SLX4IP: variants seen among roughly 807,000 people sequenced by gnomAD.
SLX4IP encodes the protein protein SLX4IP.
SLX4IP carries 34 observed loss-of-function variants against 32.9 expected under a neutral mutation model. The ratio of observed to expected loss-of-function variants is 1.03; its 90% CI spans 0.79 to 1.38. SLX4IP has a LOEUF of 1.38. Ranked by LOEUF, SLX4IP falls within the 40% of genes most tolerant of loss-of-function variation. The pLI, the probability that SLX4IP is intolerant of heterozygous loss-of-function variation, is 0.00. For synonymous variants in SLX4IP, 172 were observed against 171.7 expected (o/e 1.00, Z -0.01); for missense variants, 444 against 479.0 (o/e 0.93, Z 0.68).
At chr20:10,511,929 C>A (rs945461238) in intron 2 of SLX4IP, among the ~76,000 whole-genome samples, 2 of 152,034 alleles carry the variant, frequency 1.3e-5, no homozygotes, top group African/African-American at 4.8e-5. Context: ...AAACTCATGC[C>A]TATCATAAGA....
rs2066988278 is a variant in SLX4IP, at chr20:10,613,184, C to T, written c.406-8130C>T. On this transcript the variant is annotated intron_variant, in intron 6 of 7. Coordinates refer to ENST00000334534, the MANE Select transcript of SLX4IP (RefSeq NM_001009608.3). Reference sequence around the variant, plus strand: ...AGGCAAGTGCTGTCAGGAAGGGACACTGCCTCCCTCCACCCTCCCAACTGT... The same window carrying T: ...AGGCAAGTGCTGTCAGGAAGGGACATTGCCTCCCTCCACCCTCCCAACTGT... The T allele has an allele frequency of 7.7e-6, 4 of 516,508 alleles. No individual in the cohort carries two copies. In the Admixed American group the frequency reaches 9.8e-5, roughly 13 times the overall value. 32.0% of individuals were successfully genotyped at this position (516,508 alleles called of 1,614,324 possible).
At chr20:10,593,683 T>A (rs537335697) in intron 4 of SLX4IP, among the ~76,000 whole-genome samples, 1 of 152,218 alleles carries the variant, frequency 6.6e-6, no homozygotes, top group South Asian at 2.1e-4. Context: ...CTGCAGTGAA[T>A]TGTGATTGTG....
chr20:10,505,584 A>G (rs1409382288), intron 2 of SLX4IP, among the ~76,000 whole-genome samples: 1 of 152,136 alleles, frequency 6.6e-6, no homozygotes, highest in Non-Finnish European at 1.5e-5. Flanking sequence ...TCATGTTTGT[A>G]CTGAAGATCC....
rs769874841 is a variant in SLX4IP at position 10,512,776 on chromosome 20, C to CTATATATA, written c.28-43454_28-43453insATATATAT. Among the ~76,000 whole-genome samples the CTATATATA allele has an allele frequency of 1.3e-3, 144 of 114,548 alleles. 1 individual carries two copies. Among genetic ancestry groups the CTATATATA allele is most frequent in the Admixed American group, 3.6e-3 (37 of 10,214 alleles). The allele number at this position is 114,548 out of a possible 152,430, so 75.1% of individuals were successfully genotyped here. On this transcript the variant is annotated intron_variant, in intron 2 of 7. Coordinates refer to ENST00000334534, the MANE Select transcript of SLX4IP (RefSeq NM_001009608.3). ...TTATGTATATATATACACACACACA[C>CTATATATA]TCTATATATATATATATATATATAT...
chr20:10,550,347 A>T (rs1309067754), intron 2 of SLX4IP, among the ~76,000 whole-genome samples: 1 of 152,150 alleles, frequency 6.6e-6, no homozygotes, highest in African/African-American at 2.4e-5. Context: ...CGACAGACCC[A>T]TGTATGTAAG....
Position 10,449,952 on chromosome 20 carries a change from T to TA in SLX4IP, c.-29-8213dup, listed in dbSNP as rs55747326. On this transcript the variant is annotated intron_variant, in intron 1 of 7. Coordinates refer to ENST00000334534, the MANE Select transcript of SLX4IP (RefSeq NM_001009608.3). ...GCTGTTCTTGTTTTATTGATAAAAG[T>TA]AAAAAAAAAAACCCACAAAAACAAA... Among the ~76,000 whole-genome samples the TA allele has an allele frequency of 8.1e-3, 1,194 of 147,148 alleles. 9 individuals carry two copies. Among genetic ancestry groups the TA allele is most frequent in the Middle Eastern group, 0.035 (10 of 288 alleles).
At chr20:10,472,915 A>G (rs1290294510) in intron 2 of SLX4IP, among the ~76,000 whole-genome samples, 4 of 152,050 alleles carry the variant, frequency 2.6e-5, no homozygotes, top group African/African-American at 9.7e-5. Flanking sequence ...TAGGTGTTTA[A>G]TTGTGTTTTG....
chr20:10,617,370 T>C (rs1378860336), intron 6 of SLX4IP, among the ~76,000 whole-genome samples: 3 of 152,182 alleles, frequency 2.0e-5, no homozygotes, highest in African/African-American at 7.2e-5. Flanking sequence ...TCTGTGCCTC[T>C]GATGCAGCCA....
intron 2 of SLX4IP, among the ~76,000 whole-genome samples, chr20:10,495,346 T>C (rs2065657808): frequency 6.6e-6 from 1 of 151,916 alleles, no homozygotes; most frequent in South Asian, 2.1e-4. Context: ...ACTGCCCACA[T>C]TATGGCTAGA....
chr20:10,512,731 ATG>A (rs200114531), intron 2 of SLX4IP, among the ~76,000 whole-genome samples: 2,658 of 116,702 alleles, frequency 0.023, 51 homozygotes, highest in Admixed American at 0.072. Flanking sequence ...TATATAGTAT[ATG>A]TATTGTGTAT....
At chr20:10,512,265 T>G (rs568277023) in intron 2 of SLX4IP, among the ~76,000 whole-genome samples, 2 of 152,334 alleles carry the variant, frequency 1.3e-5, no homozygotes, top group East Asian at 3.8e-4. Flanking sequence ...ATGGGGTTTT[T>G]CTTGATAATG....
At chr20:10,445,508 A>G (rs6077798) in intron 1 of SLX4IP, among the ~76,000 whole-genome samples, 73,595 of 149,786 alleles carry the variant, frequency 0.49, 19,384 homozygotes, top group Non-Finnish European at 0.6. Flanking sequence ...GTAGAGATGG[A>G]GTTTCACCAT....
At chr20:10,502,147 T>C (rs1211418065) in intron 2 of SLX4IP, among the ~76,000 whole-genome samples, 3 of 152,208 alleles carry the variant, frequency 2.0e-5, no homozygotes, top group Non-Finnish European at 2.9e-5. Flanking sequence ...TCAGTGCTAG[T>C]AAAGGTGAGG....
intron 1 of SLX4IP, among the ~76,000 whole-genome samples, chr20:10,452,674 A>AT (rs201507537): frequency 0.14 from 13,352 of 93,168 alleles, 939 homozygotes; most frequent in East Asian, 0.41. Context: ...CAAAAAAAAA[A>AT]AAAAAAATAT....
At chr20:10,474,157 C>A (rs2065453555) in intron 2 of SLX4IP, among the ~76,000 whole-genome samples, 1 of 152,076 alleles carries the variant, frequency 6.6e-6, no homozygotes, top group Non-Finnish European at 1.5e-5. Flanking sequence ...CTGAGGTGAT[C>A]CATCCTCCTT....
At chr20:10,578,353 G>T (rs1675730390) in intron 4 of SLX4IP, among the ~76,000 whole-genome samples, 1 of 152,170 alleles carries the variant, frequency 6.6e-6, no homozygotes, top group South Asian at 2.1e-4. Flanking sequence ...TCTGTAACTG[G>T]CTTCTTTCAC....
At position 10,510,066 on chromosome 20, in the gene SLX4IP, A is replaced by G. The variant is rs867728218; in HGVS notation, c.28-46165A>G. Among the ~76,000 whole-genome samples, 13 of 152,322 alleles carry G rather than the reference A, an allele frequency of 8.5e-5. No homozygotes were observed. The South Asian group carries it at 1.7e-3, about 19-fold the overall frequency. The stretch of plus-strand genomic sequence containing the variant: ...GAATTTTAAATAACAAGGTCATTGA[A>G]AAAGTCACTGGTCATTTTTGAGCCT... On this transcript the variant is annotated intron_variant, in intron 2 of 7. Coordinates refer to ENST00000334534, the MANE Select transcript of SLX4IP (RefSeq NM_001009608.3).
chr20:10,560,206 C>T (rs2063718798), intron 3 of SLX4IP, among the ~76,000 whole-genome samples: 1 of 152,228 alleles, frequency 6.6e-6, no homozygotes, highest in African/African-American at 2.4e-5. Context: ...CATGCCGTTG[C>T]ACCAGCAGTG....
intron 6 of SLX4IP, among the ~76,000 whole-genome samples, chr20:10,620,289 G>A (rs2067092882): frequency 6.6e-6 from 1 of 152,206 alleles, no homozygotes; most frequent in African/African-American, 2.4e-5. Flanking sequence ...ATAACCAAAA[G>A]GAGAAGAGAT....
Sources: gnomAD v4.1 joint callset for allele counts (sites outside exome capture counted in the v4.1 genomes callset) on GRCh38, gnomAD v4.1.1 for gene constraint, MANE v1.5 for transcripts, NCBI Gene and HGNC (gene_info 2026-07-23, HGNC 2026-07-21) for gene names.